The following IGF2BP3 variants were observed in gnomAD, a reference collection of about 807,000 sequenced individuals.
IGF2BP3 encodes insulin like growth factor 2 mRNA binding protein 3, also known as insulin-like growth factor 2 mRNA-binding protein 3.
A neutral mutation model predicts 73.8 loss-of-function variants in IGF2BP3; 9 were observed. That is an observed-to-expected ratio of 0.12 (90% confidence interval 0.07 to 0.21). IGF2BP3 has a LOEUF of 0.21. Ranked by LOEUF, IGF2BP3 falls within the 10% of genes least tolerant of loss-of-function variation. The pLI is 1.00. For missense variants in IGF2BP3, 542 were observed against 714.0 expected, an observed-to-expected ratio of 0.76 and a Z score of 2.75; for synonymous variants, 258 against 256.7, an observed-to-expected ratio of 1.01 and a Z score of -0.05.
chr7:23,331,984 G>A (rs189050726), intron 10 of IGF2BP3, among the ~76,000 whole-genome samples: 1 of 152,202 alleles, frequency 6.6e-6, no homozygotes, highest in Admixed American at 6.5e-5. Flanking sequence ...GGCGGCAGGA[G>A]GGAGAGAGAG....
chr7:23,418,650 G>A, intron 3 of IGF2BP3, 126 bp downstream of exon 3: 1 of 623,166 alleles, frequency 1.6e-6, no homozygotes, highest in Non-Finnish European at 2.8e-6. Context: ...CAAGGCACGG[G>A]TCATAGGAGA....
chr7:23,324,981 A>T (rs1234012215), intron 10 of IGF2BP3, among the ~76,000 whole-genome samples: 3,689 of 150,272 alleles, frequency 0.025, 136 homozygotes, highest in African/African-American at 0.082. Context: ...AATGGGCAAA[A>T]ACTGGAAGCA....
At chr7:23,364,800 T>G (rs1369777277) in intron 3 of IGF2BP3, among the ~76,000 whole-genome samples, 1 of 151,994 alleles carries the variant, frequency 6.6e-6, no homozygotes, top group Non-Finnish European at 1.5e-5. Flanking sequence ...TTACAGCAAC[T>G]TGGATGGAGG....
chr7:23,371,154 A>AACACACAC lies in IGF2BP3; in HGVS notation c.286-9421_286-9414dup, dbSNP rs60859365. Among the ~76,000 whole-genome samples the AACACACAC allele has an allele frequency of 1.8e-3, 272 of 148,852 alleles. 1 individual carries two copies. Among genetic ancestry groups the AACACACAC allele is most frequent in the South Asian group, 0.014 (67 of 4,708 alleles). ...TACTTGCCCCAACAAACACCTTGCC[A>AACACACAC]ACACACACACACACACACACACACC... On this transcript the variant is annotated intron_variant, in intron 3 of 14. Transcript: ENST00000258729.
intron 2 of IGF2BP3, among the ~76,000 whole-genome samples, chr7:23,449,375 G>A (rs1306147860): frequency 1.3e-5 from 2 of 151,570 alleles, no homozygotes; most frequent in African/African-American, 4.8e-5. Context: ...AAATTAGCCG[G>A]GTGTGGTGGT....
intron 2 of IGF2BP3, among the ~76,000 whole-genome samples, chr7:23,463,248 A>G (rs548161159): frequency 3.9e-5 from 6 of 152,334 alleles, no homozygotes; most frequent in African/African-American, 1.4e-4. Context: ...AAACAATTAT[A>G]ATGGAGTCAC....
At chr7:23,416,999 T>C (rs1249839903) in intron 3 of IGF2BP3, among the ~76,000 whole-genome samples, 3 of 152,094 alleles carry the variant, frequency 2.0e-5, no homozygotes, top group Non-Finnish European at 4.4e-5. Flanking sequence ...GAGGTTGCAG[T>C]CAGCCAAGAT....
chr7:23,347,520 C>T (rs1784858208), intron 7 of IGF2BP3, 80 bp downstream of exon 7: 2 of 1,488,964 alleles, frequency 1.3e-6, no homozygotes, highest in East Asian at 2.3e-5. Flanking sequence ...GTTGGCAATT[C>T]CCAAGAATTG....
intron 3 of IGF2BP3, among the ~76,000 whole-genome samples, chr7:23,374,217 G>A (rs1281704876): frequency 6.6e-6 from 1 of 152,154 alleles, no homozygotes; most frequent in East Asian, 1.9e-4. Context: ...ATTGAAAGGT[G>A]AAAGCAACCC....
chr7:23,335,930 T>C (rs1271365382), intron 10 of IGF2BP3, among the ~76,000 whole-genome samples: 2 of 152,218 alleles, frequency 1.3e-5, no homozygotes, highest in African/African-American at 4.8e-5. Context: ...ACGAGCCAGC[T>C]GCTAGGCAGG....
intron 3 of IGF2BP3, chr7:23,414,237 A>G (rs1265718519): frequency 2.0e-5 from 3 of 152,222 alleles, no homozygotes; most frequent in East Asian, 1.9e-4. Flanking sequence ...GTGCTTTATC[A>G]TCATCTAAAA....
rs138559505 is a variant in IGF2BP3 at position 23,450,608 on chromosome 7, A to T, written c.236+17874T>A. On this transcript the variant is annotated intron_variant, in intron 2 of 14. Coordinates refer to ENST00000258729, the MANE Select transcript of IGF2BP3 (RefSeq NM_006547.3). ...TAACAAGTACAAAAAAAATTCACTG[A>T]TATGATTTCAGATTCCACATTGAAA... is the stretch of plus-strand genomic sequence containing the variant. 163 of 152,332 alleles carry T rather than the reference A, an allele frequency of 1.1e-3. 1 individual carries two copies. Among genetic ancestry groups the T allele is most frequent in the African/African-American group, 3.7e-3 (154 of 41,594 alleles). 9.4% of individuals were successfully genotyped at this position (152,332 alleles called of 1,614,324 possible).
chr7:23,465,235 T>A (rs1355414537), intron 2 of IGF2BP3, among the ~76,000 whole-genome samples: 1 of 152,242 alleles, frequency 6.6e-6, no homozygotes, highest in East Asian at 1.9e-4. Flanking sequence ...ACTTCCAAGG[T>A]GGAGGGAAAA....
In IGF2BP3 at chr7:23,365,456, A is replaced by C. The variant is rs1294588351; in HGVS notation, c.286-3715T>G. On this transcript the variant is annotated intron_variant, in intron 3 of 14. Transcript: ENST00000258729. ...TCTATAAACAATACCGACTAAACCT[A>C]CAATAATGTCAAGGCAACAAATGTT... is the stretch of plus-strand genomic sequence containing the variant. 6.6e-5 allele frequency among the ~76,000 whole-genome samples: 10 copies of C among 152,360 alleles called. No individual in the cohort carries two copies. In the East Asian group the frequency reaches 1.9e-3, roughly 29 times the overall value.
At chr7:23,316,086 G>C (rs751518608) in intron 12 of IGF2BP3, among the ~76,000 whole-genome samples, 1 of 152,162 alleles carries the variant, frequency 6.6e-6, no homozygotes, top group African/African-American at 2.4e-5. Flanking sequence ...GGGATAGGAA[G>C]CAGTTTTCAA....
In IGF2BP3 at chr7:23,351,586, T is replaced by C. The variant is rs1554317437; in HGVS notation, c.402A>G (p.Gln134=). The C allele has an allele frequency of 6.2e-7, 1 of 1,613,964 alleles. No individual in the cohort carries two copies. Among genetic ancestry groups the C allele is most frequent in the Non-Finnish European group, 8.5e-7 (1 of 1,179,990 alleles). The change falls in exon 6 of 15, where the codon CAA becomes CAG. Residue 134 remains glutamine (Q), a splice_region_variant and synonymous_variant. Coordinates refer to ENST00000258729, the MANE Select transcript of IGF2BP3 (RefSeq NM_006547.3). ...VTYSSKDQAR[Q]ALDKLNGFQL... ...GAAATCCATTCAGTTTGTCTAGTGC[T>C]CTGAAAGTTGAAAAGGGGCAGGGGT...
chr7:23,445,889 T>C (rs941557580), intron 2 of IGF2BP3, among the ~76,000 whole-genome samples: 2 of 152,218 alleles, frequency 1.3e-5, no homozygotes, highest in East Asian at 3.8e-4. Flanking sequence ...AGTTGTAAGA[T>C]ATCCCCAGAA....
intron 10 of IGF2BP3, among the ~76,000 whole-genome samples, chr7:23,337,146 T>C (rs759589831): frequency 4.6e-5 from 7 of 152,172 alleles, no homozygotes; most frequent in Non-Finnish European, 1.0e-4. Flanking sequence ...CTATTCCAAC[T>C]GAGTACTTGC....
chr7:23,312,668 G>A (rs1583867662), intron 14 of IGF2BP3, 67 bp downstream of exon 14: 3 of 1,125,526 alleles, frequency 2.7e-6, no homozygotes, highest in Non-Finnish European at 4.0e-6. Flanking sequence ...CTATCAGGTA[G>A]GAGCACCTGT....
Sources: allele counts gnomAD v4.1 joint callset (sites outside exome capture counted in the v4.1 genomes callset), GRCh38; gene constraint gnomAD v4.1.1; transcripts MANE v1.5; gene names NCBI Gene and HGNC (gene_info 2026-07-23, HGNC 2026-07-21).